MAD1L1: variants seen among roughly 807,000 people sequenced by gnomAD.
MAD1L1 encodes mitotic arrest deficient 1 like 1.
Under a neutral mutation model 96.9 loss-of-function variants are expected in MAD1L1, and 95 were observed. The observed-to-expected ratio is 0.98, with a 90% confidence interval of 0.83 to 1.16. The LOEUF (loss-of-function observed/expected upper bound fraction) is 1.16, where lower values mean the gene tolerates loss of function less well. MAD1L1 is among the 50% of genes most tolerant of loss of function. MAD1L1 has a pLI of 0.00. For synonymous variants in MAD1L1, 473 were observed against 396.6 expected (o/e 1.19, Z -2.29); for missense variants, 1,007 against 954.4 (o/e 1.06, Z -0.73).
intron 11 of MAD1L1, among the ~76,000 whole-genome samples, chr7:2,105,338 G>T (rs1443431108): frequency 6.6e-6 from 1 of 151,924 alleles, no homozygotes; most frequent in Admixed American, 6.6e-5. Flanking sequence ...AAGAGCAGGG[G>T]AGGAAGGCCA....
At chr7:2,139,844 T>TA (rs947666470) in intron 11 of MAD1L1, among the ~76,000 whole-genome samples, 28 of 152,150 alleles carry the variant, frequency 1.8e-4, no homozygotes, top group African/African-American at 6.3e-4. Context: ...CCTGAGATGA[T>TA]AAAAAACAAT....
chr7:1,932,682 G>A (rs1789549801), intron 17 of MAD1L1, among the ~76,000 whole-genome samples: 1 of 152,244 alleles, frequency 6.6e-6, no homozygotes, highest in South Asian at 2.1e-4. Context: ...CGCACACTGT[G>A]CGGGTCTATC....
chr7:1,843,816 C>T (rs866550285), intron 18 of MAD1L1, among the ~76,000 whole-genome samples: 28 of 152,216 alleles, frequency 1.8e-4, no homozygotes, highest in African/African-American at 5.8e-4. Flanking sequence ...ACCCAGACAG[C>T]GTGGGCAATG....
chr7:1,951,693 G>A (rs1164410454), intron 16 of MAD1L1, among the ~76,000 whole-genome samples: 1 of 152,156 alleles, frequency 6.6e-6, no homozygotes, highest in Admixed American at 6.5e-5. Flanking sequence ...CATAGCCTGT[G>A]TCCTTCTGGG....
At chr7:2,185,445 C>G (rs548689289) in intron 10 of MAD1L1, among the ~76,000 whole-genome samples, 2 of 152,206 alleles carry the variant, frequency 1.3e-5, no homozygotes, top group African/African-American at 4.8e-5. Flanking sequence ...GGTACATTTT[C>G]AATACTCACT....
intron 16 of MAD1L1, among the ~76,000 whole-genome samples, chr7:1,942,207 C>G (rs574137603): frequency 3.9e-5 from 6 of 152,356 alleles, no homozygotes; most frequent in South Asian, 4.1e-4. Flanking sequence ...GTGGGAGCAG[C>G]TGGCATCCCA....
intron 12 of MAD1L1, among the ~76,000 whole-genome samples, chr7:2,019,617 C>T (rs896324760): frequency 6.6e-6 from 1 of 152,204 alleles, no homozygotes; most frequent in Admixed American, 6.5e-5. Flanking sequence ...CTTACGGCCA[C>T]AGGGGTTGGG....
At chr7:1,939,372 GCA>G (rs1778829079) in intron 16 of MAD1L1, among the ~76,000 whole-genome samples, 1 of 147,740 alleles carries the variant, frequency 6.8e-6, no homozygotes, top group African/African-American at 2.5e-5. Flanking sequence ...GCACACACAC[GCA>G]CACACACGGG....
chr7:1,955,871 C>A (rs1005267214), intron 16 of MAD1L1, among the ~76,000 whole-genome samples: 1 of 151,870 alleles, frequency 6.6e-6, no homozygotes, highest in Non-Finnish European at 1.5e-5. Context: ...TGACTTGTGA[C>A]CTAAGTAGCT....
chr7:1,914,707 A>G (rs1788261108), intron 17 of MAD1L1, among the ~76,000 whole-genome samples: 1 of 152,224 alleles, frequency 6.6e-6, no homozygotes, highest in East Asian at 1.9e-4. Flanking sequence ...TTGACCTCCC[A>G]GGCCCAAGCC....
chr7:1,915,811 G>A (rs1788351286), intron 17 of MAD1L1, among the ~76,000 whole-genome samples: 2 of 152,216 alleles, frequency 1.3e-5, no homozygotes, highest in Admixed American at 1.3e-4. Context: ...AGAACCAGCG[G>A]GATAAGGGGC....
At position 1,824,864 on chromosome 7, in the gene MAD1L1, G is replaced by A. The variant is rs549471280; in HGVS notation, c.1999-8636C>T. On this transcript the variant is annotated intron_variant, in intron 18 of 18. Coordinates refer to ENST00000265854, the MANE Select transcript of MAD1L1 (RefSeq NM_001013836.2). ...GTCCCAGGCACTTTCATGCACACAT[G>A]GGGCGAGCCGGGGAGAAGACTCAGC... 2.6e-4 allele frequency among the ~76,000 whole-genome samples: 40 copies of A among 152,126 alleles called. No individual in the cohort carries two copies. In the South Asian group the frequency reaches 8.3e-3, roughly 32 times the overall value.
At chr7:2,152,031 C>T (rs955318973) in intron 10 of MAD1L1, among the ~76,000 whole-genome samples, 1 of 147,048 alleles carries the variant, frequency 6.8e-6, no homozygotes, top group Non-Finnish European at 1.5e-5. Context: ...GGGTGGCTCC[C>T]CTGCACGCTC....
chr7:2,045,388 G>A (rs750690375), intron 12 of MAD1L1, among the ~76,000 whole-genome samples: 18 of 152,102 alleles, frequency 1.2e-4, no homozygotes, highest in Non-Finnish European at 2.6e-4. Flanking sequence ...AGGCTGCCGG[G>A]TGCCCTCTCA....
chr7:1,887,275 A>ATGTGTGTATGTGGCTGCC (rs1786102187), intron 18 of MAD1L1, among the ~76,000 whole-genome samples: 1 of 151,572 alleles, frequency 6.6e-6, no homozygotes, highest in Non-Finnish European at 1.5e-5. Context: ...GTGTGCATGC[A>ATGTGTGTATGTGGCTGCC]TGTGTGTATG....
At chr7:1,995,826 C>G (rs546477363) in intron 14 of MAD1L1, among the ~76,000 whole-genome samples, 2 of 152,328 alleles carry the variant, frequency 1.3e-5, no homozygotes, top group African/African-American at 4.8e-5. Flanking sequence ...GTGCCAGCAG[C>G]AAGCCCCTCC....
At chr7:2,220,392 T>C (rs1232545408) in intron 5 of MAD1L1, among the ~76,000 whole-genome samples, 3 of 152,078 alleles carry the variant, frequency 2.0e-5, no homozygotes, top group Admixed American at 6.5e-5. Flanking sequence ...CCTAACCCTC[T>C]GGAAAAGCTC....
intron 10 of MAD1L1, among the ~76,000 whole-genome samples, chr7:2,163,124 A>G (rs1382139123): frequency 6.6e-6 from 1 of 152,246 alleles, no homozygotes; most frequent in Non-Finnish European, 1.5e-5. Flanking sequence ...ATTTAATTAA[A>G]TGATGTAATT....
intron 10 of MAD1L1, among the ~76,000 whole-genome samples, chr7:2,196,515 C>CTG: frequency 6.6e-6 from 1 of 152,260 alleles, no homozygotes; most frequent in East Asian, 1.9e-4. Context: ...TTGTTTAAAG[C>CTG]TGTCTGTGTG....
Sources: gnomAD v4.1 joint callset for allele counts (sites outside exome capture counted in the v4.1 genomes callset) on GRCh38, gnomAD v4.1.1 for gene constraint, MANE v1.5 for transcripts, NCBI Gene and HGNC (gene_info 2026-07-23, HGNC 2026-07-21) for gene names.